CPPED1: variants seen among roughly 807,000 people sequenced by gnomAD.
CPPED1 encodes the protein calcineurin like phosphoesterase domain containing 1.
Under a neutral mutation model 28.0 loss-of-function variants are expected in CPPED1, and 28 were observed. The ratio of observed to expected loss-of-function variants is 1.00; its 90% confidence interval spans 0.74 to 1.37. The LOEUF (loss-of-function observed/expected upper bound fraction) is 1.37. CPPED1 is among the 40% of genes most tolerant of loss of function. The probability of loss-of-function intolerance (pLI) is 0.00; values close to 1 mark genes in which losing one functional copy is unlikely to be tolerated. For synonymous variants in CPPED1, 198 were observed against 180.2 expected (o/e 1.10, Z -0.79); for missense variants, 504 against 416.5 (o/e 1.21, Z -1.83).
rs1307446571 is a variant in CPPED1 at position 12,753,648 on chromosome 16, C to G, written c.289+27537G>C. 3.9e-5 allele frequency among the ~76,000 whole-genome samples: 6 copies of G among 152,122 alleles called. No individual in the cohort carries two copies. In the South Asian group the frequency reaches 1.0e-3, roughly 26 times the overall value. ...CCCAAGTCTCAACAACCCCAGCCAC[C>G]TCATACATTCATAAATTCCCCCTTC... is the stretch of plus-strand genomic sequence containing the variant. On this transcript the variant is annotated intron_variant, in intron 2 of 3. Transcript: ENST00000381774.
intron 3 of CPPED1, among the ~76,000 whole-genome samples, chr16:12,680,736 A>C (rs1321411622): frequency 1.3e-5 from 2 of 152,132 alleles, no homozygotes; most frequent in Non-Finnish European, 2.9e-5. Context: ...TGCCCCTGTG[A>C]GACCTGGGGT....
intron 1 of CPPED1, among the ~76,000 whole-genome samples, chr16:12,794,188 G>A (rs1168648028): frequency 1.3e-5 from 2 of 148,920 alleles, no homozygotes; most frequent in Non-Finnish European, 2.9e-5. Context: ...TGGCTGTTTA[G>A]GGGTTGGGGG....
intron 1 of CPPED1, among the ~76,000 whole-genome samples, chr16:12,798,883 G>T (rs1555492645): frequency 6.6e-6 from 1 of 152,164 alleles, no homozygotes; most frequent in Non-Finnish European, 1.5e-5. Context: ...CATGCCTTAG[G>T]AATGTGAGCT....
chr16:12,768,142 A>C (rs1194124167), intron 2 of CPPED1, among the ~76,000 whole-genome samples: 2 of 152,188 alleles, frequency 1.3e-5, no homozygotes, highest in Non-Finnish European at 2.9e-5. Flanking sequence ...ACTGAATTCT[A>C]TCAACCAAAA....
chr16:12,695,985 C>T (rs1214003402), intron 3 of CPPED1, among the ~76,000 whole-genome samples: 1 of 152,212 alleles, frequency 6.6e-6, no homozygotes, highest in African/African-American at 2.4e-5. Flanking sequence ...AATTTTTCAT[C>T]TACTTCAGCG....
At chr16:12,786,109 C>T (rs1482209981) in intron 1 of CPPED1, among the ~76,000 whole-genome samples, 1 of 152,206 alleles carries the variant, frequency 6.6e-6, no homozygotes, top group Admixed American at 6.5e-5. Flanking sequence ...GGTTACCTGA[C>T]AGCAGAAAGC....
chr16:12,685,812 G>A (rs1043854609), intron 3 of CPPED1, among the ~76,000 whole-genome samples: 7 of 152,338 alleles, frequency 4.6e-5, no homozygotes, highest in Admixed American at 6.5e-5. Context: ...CCCAGGTCTG[G>A]ATATGGAGAT....
At chr16:12,716,421 G>T (rs190942113) in intron 2 of CPPED1, among the ~76,000 whole-genome samples, 1 of 152,238 alleles carries the variant, frequency 6.6e-6, no homozygotes, top group Non-Finnish European at 1.5e-5. Flanking sequence ...ATTCACTACT[G>T]CCAAGTCCCT....
At chr16:12,749,660 G>A (rs2080314425) in intron 2 of CPPED1, among the ~76,000 whole-genome samples, 1 of 152,172 alleles carries the variant, frequency 6.6e-6, no homozygotes, top group South Asian at 2.1e-4. Context: ...TGCAATCTCA[G>A]CTCACTGCAA....
rs200606935 is a variant in CPPED1, at chr16:12,748,962, A to AG, written c.289+32222_289+32223insC. 4.6e-3 allele frequency among the ~76,000 whole-genome samples: 700 copies of AG among 152,254 alleles called. 10 individuals carry two copies. Among genetic ancestry groups the AG allele is most frequent in the African/African-American group, 0.016 (675 of 41,520 alleles). Reference sequence around the variant, plus strand: ...ATTAAAAATACTTTATTGCTAAAAAAAAAAATGCTAGCAATCATCTGAGCC... The same window carrying AG: ...ATTAAAAATACTTTATTGCTAAAAAAGAAAAATGCTAGCAATCATCTGAGCC... On this transcript the variant is annotated intron_variant, in intron 2 of 3. Transcript: ENST00000381774.
intron 1 of CPPED1, among the ~76,000 whole-genome samples, chr16:12,792,765 C>G (rs1048565769): frequency 2.0e-5 from 3 of 152,182 alleles, no homozygotes; most frequent in African/African-American, 7.2e-5. Flanking sequence ...TGCACACGCT[C>G]TCTTGCCTGC....
chr16:12,756,510 G>A (rs2080369866), intron 2 of CPPED1, among the ~76,000 whole-genome samples: 2 of 152,066 alleles, frequency 1.3e-5, no homozygotes, highest in African/African-American at 2.4e-5. Flanking sequence ...GGCTAACATG[G>A]CAAAACCCTG....
Position 12,665,068 on chromosome 16 carries a change from T to A in CPPED1, c.763A>T (p.Thr255Ser), listed in dbSNP as rs1555482097. ...ACCACCATGTCGAGGTTCTGGTAGG[T>A]ACCCCCGGCATTCCTGTGGTAGTGG... Reference protein sequence around the residue: ...SGHYHRNAGGTYQNLDMVVSS... With the variant: ...SGHYHRNAGGSYQNLDMVVSS... The change falls in exon 4 of 4, where the codon ACC becomes TCC. Residue 255 changes from threonine (T) to serine (S), a missense_variant. Physicochemically the swap from Thr to Ser is moderately conservative, Grantham distance 58 (BLOSUM62 1). Transcript: ENST00000381774. 1 of 1,607,874 alleles carries A rather than the reference T, an allele frequency of 6.2e-7. No homozygotes were observed. The highest frequency in any genetic ancestry group is 8.5e-7 in the Non-Finnish European group (1 of 1,178,298).
At position 12,664,963 on chromosome 16, in the gene CPPED1, G is replaced by A. The variant is rs1331975136; in HGVS notation, c.868C>T (p.His290Tyr). The change falls in exon 4 of 4, where the codon CAC becomes TAC. Residue 290 changes from histidine (H) to tyrosine (Y), a missense_variant. Coordinates refer to ENST00000381774, the MANE Select transcript of CPPED1 (RefSeq NM_018340.3). This position sits in a 1 kb window ranked among gnomAD's most constrained non-coding sequence, Gnocchi z 4.2. ...VVVVTAEKIV[H>Y]RYYSLDELSE... ...AGCTCATCTAGACTGTAGTATCGGT[G>A]AACAATTTTCTCGGCGGTGACCACC... 1.9e-6 allele frequency: 3 copies of A among 1,610,974 alleles called. No individual in the cohort carries two copies. Among genetic ancestry groups the A allele is most frequent in the African/African-American group, 2.7e-5 (2 of 74,712 alleles).
At chr16:12,728,545 ACT>A (rs1474794224) in intron 2 of CPPED1, among the ~76,000 whole-genome samples, 1 of 151,900 alleles carries the variant, frequency 6.6e-6, no homozygotes, top group Admixed American at 6.6e-5. Flanking sequence ...CCAGAAAGTC[ACT>A]CTACAGAATA....
chr16:12,759,148 C>T (rs1306502729), intron 2 of CPPED1: 4 of 116,352 alleles, frequency 3.4e-5, no homozygotes, highest in Admixed American at 1.2e-4. Context: ...GGGCAACAGA[C>T]GAAGACTCTG....
At chr16:12,724,145 G>A in intron 2 of CPPED1, among the ~76,000 whole-genome samples, 1 of 152,126 alleles carries the variant, frequency 6.6e-6, no homozygotes, top group Non-Finnish European at 1.5e-5. Context: ...ACAAGGAAGG[G>A]GTCACAGACA....
At chr16:12,748,909 AT>A (rs1222363671) in intron 2 of CPPED1, among the ~76,000 whole-genome samples, 1 of 151,816 alleles carries the variant, frequency 6.6e-6, no homozygotes, top group Non-Finnish European at 1.5e-5. Context: ...ATGCAATAGC[AT>A]TATGTCTAAA....
At chr16:12,775,169 T>A (rs1342812877) in intron 2 of CPPED1, among the ~76,000 whole-genome samples, 2 of 151,986 alleles carry the variant, frequency 1.3e-5, no homozygotes, top group Non-Finnish European at 2.9e-5. Flanking sequence ...CTCAGCCCCC[T>A]CCCCATGTGA....
Sources: allele counts gnomAD v4.1 joint callset (sites outside exome capture counted in the v4.1 genomes callset), GRCh38; gene constraint gnomAD v4.1.1; non-coding constraint Gnocchi (gnomAD v3.1); transcripts MANE v1.5; gene names NCBI Gene and HGNC (gene_info 2026-07-23, HGNC 2026-07-21).